The following CPNE5 variants were observed in gnomAD, a reference collection of about 807,000 sequenced individuals.
CPNE5 encodes copine-5.
CPNE5 carries 42 observed loss-of-function variants against 81.1 expected under a neutral mutation model. The observed-to-expected ratio is 0.52, with a 90% CI of 0.40 to 0.67. CPNE5 has a LOEUF of 0.67. CPNE5 is among the 30% of genes least tolerant of loss of function. The pLI, the probability that CPNE5 is intolerant of heterozygous loss-of-function variation, is 0.00. For missense variants in CPNE5, 612 were observed against 815.5 expected (o/e 0.75, Z 3.04); for synonymous variants, 313 against 321.5 (o/e 0.97, Z 0.28).
intron 14 of CPNE5, among the ~76,000 whole-genome samples, chr6:36,750,946 A>C (rs1199960661): frequency 2.6e-5 from 4 of 152,246 alleles, no homozygotes; most frequent in Non-Finnish European, 5.9e-5. Flanking sequence ...GCAGCAGCCT[A>C]GTGTCTCCTG....
chr6:36,787,633 T>G (rs1459707388), intron 8 of CPNE5, among the ~76,000 whole-genome samples: 4 of 152,124 alleles, frequency 2.6e-5, no homozygotes, highest in Non-Finnish European at 5.9e-5. Context: ...CATACTAAAT[T>G]AAAAATTCTG....
rs1240623049 is a variant in CPNE5 at position 36,766,152 on chromosome 6, C to A, written c.738-776G>T. ...CAGGGGAGCTGCCAGGGTCCCACAG[C>A]AGGGTCAGGTTTGGGGAGGTGGGAA... On this transcript the variant is annotated intron_variant, in intron 10 of 20. Coordinates refer to ENST00000244751, the MANE Select transcript of CPNE5 (RefSeq NM_020939.2). The surrounding 1 kb of genome is among the most constrained non-coding windows in gnomAD (Gnocchi z 4.2). 6.6e-6 allele frequency among the ~76,000 whole-genome samples: 1 copy of A among 152,000 alleles called. No individual in the cohort carries two copies. Among genetic ancestry groups the A allele is most frequent in the Non-Finnish European group, 1.5e-5 (1 of 67,982 alleles).
chr6:36,800,146 G>C, intron 3 of CPNE5, 76 bp from the exon 4 acceptor site: 1 of 988,076 alleles, frequency 1.0e-6, no homozygotes, highest in Non-Finnish European at 1.5e-6. Context: ...AGAGCACTGG[G>C]CTCAGAGCCC....
rs1769405725 is a variant in CPNE5, at chr6:36,794,655, G to A, written c.405-6C>T. On this transcript the variant is annotated splice_polypyrimidine_tract_variant and splice_region_variant and intron_variant, in intron 6 of 20. Transcript: ENST00000244751. ...TCAGGCTGAATGCGCCTATCCTGTG[G>A]AGAGAGAGGGGGAGAGAGAGCATGC... is the stretch of plus-strand genomic sequence containing the variant. 2 of 1,605,512 alleles carry A rather than the reference G, an allele frequency of 1.2e-6. No individual in the cohort carries two copies. The highest frequency in any genetic ancestry group is 1.7e-6 in the Non-Finnish European group (2 of 1,178,760).
At chr6:36,828,280 T>G (rs1287824401) in intron 1 of CPNE5, among the ~76,000 whole-genome samples, 1 of 140,714 alleles carries the variant, frequency 7.1e-6, no homozygotes, top group Non-Finnish European at 1.5e-5. Context: ...CACAGTGAGA[T>G]TCCATCTCTA....
intron 11 of CPNE5, among the ~76,000 whole-genome samples, chr6:36,764,090 C>G (rs1766326786): frequency 7.7e-6 from 1 of 129,410 alleles, no homozygotes; most frequent in African/African-American, 2.8e-5. Context: ...ACCCCCCCAC[C>G]CCCCACCGTG....
chr6:36,752,768 G>T lies in CPNE5; in HGVS notation c.971+266C>A, dbSNP rs1194624445. The stretch of plus-strand genomic sequence containing the variant: ...TGTCACGGAGTCCCTACCAGCTCCA[G>T]GTCCTGTCTCTGCATGGAGACCTGA... On this transcript the variant is annotated intron_variant, in intron 14 of 20. Coordinates refer to ENST00000244751, the MANE Select transcript of CPNE5 (RefSeq NM_020939.2). 8 of 309,944 alleles carry T rather than the reference G, an allele frequency of 2.6e-5. No individual in the cohort carries two copies. In the South Asian group the frequency reaches 7.2e-4, roughly 28 times the overall value. The allele number at this position is 309,944 out of a possible 1,614,324, so 19.2% of individuals were successfully genotyped here.
chr6:36,774,313 G>A (rs1767307427), intron 10 of CPNE5, among the ~76,000 whole-genome samples: 1 of 152,032 alleles, frequency 6.6e-6, no homozygotes, highest in Non-Finnish European at 1.5e-5. Flanking sequence ...AGCCTGGGAG[G>A]TCCAGGCTGC....
At chr6:36,790,059 C>T (rs1011171118) in intron 8 of CPNE5, among the ~76,000 whole-genome samples, 5 of 152,164 alleles carry the variant, frequency 3.3e-5, no homozygotes, top group African/African-American at 1.2e-4. Context: ...GGCTCTAGAA[C>T]CAAACTGCCA....
chr6:36,752,304 ACCCT>A (rs1444995690), intron 14 of CPNE5, among the ~76,000 whole-genome samples: 1 of 152,008 alleles, frequency 6.6e-6, no homozygotes, highest in African/African-American at 2.4e-5. Context: ...GGCAGGCTCT[ACCCT>A]TAGAGCCAGG....
In CPNE5 at chr6:36,829,167, A is replaced by G. The variant is rs1583041825; in HGVS notation, c.96-6069T>C. Among the ~76,000 whole-genome samples, 5 of 152,078 alleles carry G rather than the reference A, an allele frequency of 3.3e-5. No individual in the cohort carries two copies. In the South Asian group the frequency reaches 1.0e-3, roughly 32 times the overall value. On this transcript the variant is annotated intron_variant, in intron 1 of 20. Coordinates refer to ENST00000244751, the MANE Select transcript of CPNE5 (RefSeq NM_020939.2). ...ACTGGTTGCATAGCCTTCCTTGAGGAGAGAGTGGGGACAGGAGAGCCAAGG... is the reference window on the plus strand; with the variant it reads ...ACTGGTTGCATAGCCTTCCTTGAGGGGAGAGTGGGGACAGGAGAGCCAAGG...
intron 1 of CPNE5, 48 bp from the exon 2 acceptor site, chr6:36,823,146 G>A: frequency 6.8e-7 from 1 of 1,467,162 alleles, no homozygotes; most frequent in Non-Finnish European, 9.2e-7. Flanking sequence ...GCTGAGAGGA[G>A]GCGACCTCAG....
At chr6:36,777,305 G>A (rs773049720) in intron 9 of CPNE5, among the ~76,000 whole-genome samples, 31 of 151,838 alleles carry the variant, frequency 2.0e-4, no homozygotes, top group South Asian at 6.2e-4. Flanking sequence ...GGAGCTGGTA[G>A]TACCTCCCAC....
chr6:36,838,371 G>T lies in CPNE5; in HGVS notation c.95+912C>A, dbSNP rs556712221. On this transcript the variant is annotated intron_variant, in intron 1 of 20. Transcript: ENST00000244751. ...CCTCAAAGTGGGTGATGCTTGCGTG[G>T]CAGCACATGATCCTAGGCCAGCCAC... Among the ~76,000 whole-genome samples, 5 of 152,336 alleles carry T rather than the reference G, an allele frequency of 3.3e-5. No homozygotes were observed. In the East Asian group the frequency reaches 9.6e-4, roughly 29 times the overall value.
At chr6:36,816,098 C>T (rs935429168) in intron 3 of CPNE5, among the ~76,000 whole-genome samples, 1 of 152,202 alleles carries the variant, frequency 6.6e-6, no homozygotes, top group Non-Finnish European at 1.5e-5. Context: ...GGTCTCTTAG[C>T]CCCATTTTAT....
chr6:36,750,444 G>A (rs961483019), intron 14 of CPNE5, among the ~76,000 whole-genome samples: 4 of 152,282 alleles, frequency 2.6e-5, no homozygotes, highest in African/African-American at 9.6e-5. Flanking sequence ...CTCTTCTGCT[G>A]GCTGGGGGCA....
intron 1 of CPNE5, among the ~76,000 whole-genome samples, chr6:36,826,738 G>A (rs949565835): frequency 2.6e-5 from 4 of 152,204 alleles, no homozygotes; most frequent in Non-Finnish European, 2.9e-5. Context: ...AGCGAAGCCC[G>A]TATCTCCCCA....
intron 12 of CPNE5, among the ~76,000 whole-genome samples, chr6:36,757,798 C>G (rs1435705236): frequency 1.3e-5 from 2 of 152,128 alleles, no homozygotes; most frequent in Admixed American, 1.3e-4. Context: ...CTTAGAGGCA[C>G]AGGAAGGCTC....
At chr6:36,742,601 A>T in intron 20 of CPNE5, 115 bp from the exon 21 acceptor site, 1 of 1,243,758 alleles carries the variant, frequency 8.0e-7, no homozygotes, top group Non-Finnish European at 1.1e-6. Flanking sequence ...CACTTGACTC[A>T]ATCCCCCCAC....
Sources: allele counts gnomAD v4.1 joint callset (sites outside exome capture counted in the v4.1 genomes callset), GRCh38; gene constraint gnomAD v4.1.1; non-coding constraint Gnocchi (gnomAD v3.1); transcripts MANE v1.5; gene names NCBI Gene and HGNC (gene_info 2026-07-23, HGNC 2026-07-21).